Variants in ADAM28 observed in about 807,000 individuals in gnomAD.
The protein encoded by ADAM28 is disintegrin and metalloproteinase domain-containing protein 28.
ADAM28 carries 105 observed loss-of-function variants against 101.2 expected under a neutral mutation model. The observed-to-expected ratio is 1.04, with a 90% CI of 0.89 to 1.22. The LOEUF is 1.22. ADAM28 is among the 50% of genes most tolerant of loss of function. ADAM28 has a pLI of 0.00. For missense variants in ADAM28, 1,028 were observed against 945.4 expected, an observed-to-expected ratio of 1.09 and a Z score of -1.15; for synonymous variants, 322 against 310.6, an observed-to-expected ratio of 1.04 and a Z score of -0.39.
chr8:24,339,566 A>ATC lies in ADAM28; in HGVS notation c.1668_1669insTC (p.Asn557SerfsTer24), dbSNP rs1814516328. 1 of 1,610,746 alleles carries ATC rather than the reference A, an allele frequency of 6.2e-7. No homozygotes were observed. Among genetic ancestry groups the ATC allele is most frequent in the African/African-American group, 1.3e-5 (1 of 74,962 alleles). ...ATGACACACTCATTCCCTGCAAAGC[A>ATC]AAGTAAGTGGCCTTGTCTGAACCTT... On this transcript the variant is annotated frameshift_variant and splice_region_variant, in exon 15 of 23. Transcript: ENST00000265769. LOFTEE classifies it high-confidence loss of function.
rs1811420166 is a variant in ADAM28, at chr8:24,318,237, CCT to C, written c.577-1996_577-1995del. Among the ~76,000 whole-genome samples the C allele has an allele frequency of 2.6e-5, 4 of 151,882 alleles. No individual in the cohort carries two copies. In the South Asian group the frequency reaches 8.3e-4, roughly 32 times the overall value. ...GTTTGCTTGTACAGGGCCTCTTATC[CCT>C]CTGTTTCCATTCCTTGGTAACTACG... On this transcript the variant is annotated intron_variant, in intron 6 of 22. Coordinates refer to ENST00000265769, the MANE Select transcript of ADAM28 (RefSeq NM_014265.6).
At chr8:24,312,726 A>G (rs1345520412) in intron 5 of ADAM28, among the ~76,000 whole-genome samples, 1 of 152,030 alleles carries the variant, frequency 6.6e-6, no homozygotes, top group Non-Finnish European at 1.5e-5. Flanking sequence ...ATAAGAAAAG[A>G]GACCATGTCT....
chr8:24,350,017 T>C (rs769058992), intron 19 of ADAM28, 45 bp downstream of exon 19: 1 of 1,552,070 alleles, frequency 6.4e-7, no homozygotes, highest in Non-Finnish European at 8.8e-7. Flanking sequence ...TTGACCCCTA[T>C]TTTACTTTAC....
rs972148852 is a variant in ADAM28 at position 24,316,801 on chromosome 8, T to G, written c.576+3221T>G. On this transcript the variant is annotated intron_variant, in intron 6 of 22. Transcript: ENST00000265769. ...TACCTCTATTTGCAGATGAAATGAT[T>G]CTACCTGTAAAAAACCCTAATGACT... Among the ~76,000 whole-genome samples, 3 of 152,094 alleles carry G rather than the reference T, an allele frequency of 2.0e-5. No homozygotes were observed. The East Asian group carries it at 5.8e-4, about 29-fold the overall frequency.
intron 1 of ADAM28, among the ~76,000 whole-genome samples, chr8:24,298,427 G>A (rs1056721686): frequency 2.6e-5 from 4 of 151,948 alleles, no homozygotes; most frequent in Non-Finnish European, 4.4e-5. Context: ...TTTAAAAAAC[G>A]CTGTTTTTTG....
intron 10 of ADAM28, 151 bp from the exon 11 acceptor site, chr8:24,329,834 T>C: frequency 1.3e-6 from 1 of 790,612 alleles, no homozygotes; most frequent in South Asian, 1.9e-5. Context: ...TTTAGTACTC[T>C]CTCTCTCTTG....
intron 18 of ADAM28, among the ~76,000 whole-genome samples, chr8:24,349,335 C>T (rs1280619431): frequency 6.6e-6 from 1 of 152,184 alleles, no homozygotes; most frequent in African/African-American, 2.4e-5. Flanking sequence ...AATATTTGTT[C>T]AAACCATTTC....
intron 22 of ADAM28, 150 bp from the exon 23 acceptor site, chr8:24,354,234 T>C: frequency 1.5e-6 from 1 of 674,884 alleles, no homozygotes; most frequent in Non-Finnish European, 2.6e-6. Flanking sequence ...TCCTCTCACA[T>C]TTCTACTTCT....
rs752294312 is a variant in ADAM28 at position 24,330,132 on chromosome 8, C to A, written c.1103+17C>A. 1 of 1,609,206 alleles carries A rather than the reference C, an allele frequency of 6.2e-7. No homozygotes were observed. Among genetic ancestry groups the A allele is most frequent in the Admixed American group, 1.7e-5 (1 of 59,728 alleles). On this transcript the variant is annotated intron_variant, in intron 11 of 22. Coordinates refer to ENST00000265769, the MANE Select transcript of ADAM28 (RefSeq NM_014265.6). ...AGCACTGAGGTGAGGCTCTCTGGGC[C>A]CTGGGGACATGCTATGTAGCCCTGG...
At chr8:24,315,344 C>A (rs1218959535) in intron 6 of ADAM28, among the ~76,000 whole-genome samples, 1 of 151,582 alleles carries the variant, frequency 6.6e-6, no homozygotes, top group African/African-American at 2.4e-5. Context: ...CAAAAGATGT[C>A]TCAGAAATGA....
At chr8:24,321,993 A>T (rs1811941525) in intron 8 of ADAM28, among the ~76,000 whole-genome samples, 1 of 152,026 alleles carries the variant, frequency 6.6e-6, no homozygotes, top group Admixed American at 6.6e-5. Flanking sequence ...TCTTTGTGGT[A>T]TCCTATAAAT....
chr8:24,301,114 A>T (rs1009255954), intron 2 of ADAM28, among the ~76,000 whole-genome samples: 1 of 152,210 alleles, frequency 6.6e-6, no homozygotes, highest in Non-Finnish European at 1.5e-5. Flanking sequence ...AGTTTACAGA[A>T]ATACTCTGAA....
chr8:24,306,355 A>ATATATATATATATAT lies in ADAM28; in HGVS notation c.151-3539_151-3538insTATATATATATATAT, dbSNP rs1489348958. ...TGAGACTCCATCTCAAATACAAATA[A>ATATATATATATATAT]ATAAATAAATATATATATATATATA... On this transcript the variant is annotated intron_variant, in intron 2 of 22. Transcript: ENST00000265769. Among the ~76,000 whole-genome samples the ATATATATATATATAT allele has an allele frequency of 3.4e-3, 371 of 107,554 alleles. 14 individuals carry two copies. Among genetic ancestry groups the ATATATATATATATAT allele is most frequent in the African/African-American group, 5.3e-3 (137 of 25,626 alleles). 70.6% of individuals were successfully genotyped at this position (107,554 alleles called of 152,430 possible).
chr8:24,333,714 G>T (rs1207210574), intron 13 of ADAM28, among the ~76,000 whole-genome samples: 1 of 151,960 alleles, frequency 6.6e-6, no homozygotes, highest in East Asian at 1.9e-4. Context: ...TAGTGTGGGG[G>T]TATCCCCATC....
chr8:24,296,179 G>A (rs1028827473), intron 1 of ADAM28: 24 of 152,292 alleles, frequency 1.6e-4, no homozygotes, highest in African/African-American at 5.8e-4. Context: ...TACTCAGGGG[G>A]TACAGCACTT....
chr8:24,330,928 A>G (rs1210075083), intron 11 of ADAM28, among the ~76,000 whole-genome samples: 1 of 152,166 alleles, frequency 6.6e-6, no homozygotes, highest in Non-Finnish European at 1.5e-5. Context: ...TTTTATTAAA[A>G]GTGGCCTGGA....
chr8:24,326,289 G>A (rs1043662177), intron 9 of ADAM28, among the ~76,000 whole-genome samples: 1 of 151,848 alleles, frequency 6.6e-6, no homozygotes, highest in Non-Finnish European at 1.5e-5. Context: ...TTCTTCACAA[G>A]GGATACATCT....
At chr8:24,314,319 A>C (rs1448339682) in intron 6 of ADAM28, among the ~76,000 whole-genome samples, 1 of 152,188 alleles carries the variant, frequency 6.6e-6, no homozygotes, top group African/African-American at 2.4e-5. Context: ...GGGAAGATAG[A>C]AATGAGCAAA....
intron 18 of ADAM28, among the ~76,000 whole-genome samples, chr8:24,348,248 G>A (rs1359172754): frequency 1.3e-5 from 2 of 151,824 alleles, no homozygotes; most frequent in Admixed American, 6.6e-5. Context: ...ACTTTCTTTT[G>A]TAGAGCAGTT....
Sources: allele counts gnomAD v4.1 joint callset (sites outside exome capture counted in the v4.1 genomes callset), GRCh38; gene constraint gnomAD v4.1.1; transcripts MANE v1.5; gene names NCBI Gene and HGNC (gene_info 2026-07-23, HGNC 2026-07-21).